Variants in HMGA2 observed in about 807,000 individuals in gnomAD.
HMGA2 encodes high mobility group protein HMGI-C.
In HMGA2, 8 loss-of-function variants were observed where a neutral mutation model predicts 19.1. The ratio of observed to expected loss-of-function variants is 0.42; its 90% CI spans 0.25 to 0.76. The LOEUF is 0.76. Ranked by LOEUF, HMGA2 falls within the 30% of genes least tolerant of loss-of-function variation. HMGA2 has a pLI of 0.28. For synonymous variants in HMGA2, 60 were observed against 48.8 expected (o/e 1.23, Z -0.96); for missense variants, 109 against 136.3 (o/e 0.80, Z 1.00).
rs71096056 is a variant in HMGA2 at position 65,875,589 on chromosome 12, A to ATTTTTTTTTTTT, written c.249+37050_249+37061dup. Among the ~76,000 whole-genome samples the ATTTTTTTTTTTT allele has an allele frequency of 9.8e-3, 257 of 26,104 alleles. 105 individuals carry two copies. The highest frequency in any genetic ancestry group is 0.017 in the Non-Finnish European group (199 of 11,770). 17.1% of individuals were successfully genotyped at this position (26,104 alleles called of 152,430 possible). A position where few individuals can be genotyped will look rare whatever the true frequency, so the allele number is the denominator to read the frequency against. On this transcript the variant is annotated intron_variant, in intron 3 of 4. Transcript: ENST00000403681. ...CGGGCATATGCCACCGTGCCCGGCT[A>ATTTTTTTTTTTT]TTTTTTTTTTTTTTTTTTTTTTTTT... is the stretch of plus-strand genomic sequence containing the variant.
At chr12:65,865,599 T>A (rs917825149) in intron 3 of HMGA2, among the ~76,000 whole-genome samples, 1 of 151,884 alleles carries the variant, frequency 6.6e-6, no homozygotes, top group Non-Finnish European at 1.5e-5. Context: ...TGGGAAGGCA[T>A]ACATTCTAAG....
At chr12:65,893,581 G>A (rs1565724179) in intron 3 of HMGA2, among the ~76,000 whole-genome samples, 1 of 152,158 alleles carries the variant, frequency 6.6e-6, no homozygotes, top group African/African-American at 2.4e-5. Context: ...AACATTGTAG[G>A]GTTTCAGAGG....
At chr12:65,871,676 A>G (rs1436272353) in intron 3 of HMGA2, among the ~76,000 whole-genome samples, 1 of 152,142 alleles carries the variant, frequency 6.6e-6, no homozygotes, top group East Asian at 1.9e-4. Context: ...TAGGTGAGAG[A>G]ACTACATTCC....
intron 3 of HMGA2, among the ~76,000 whole-genome samples, chr12:65,878,408 C>T (rs755595963): frequency 6.6e-6 from 1 of 152,148 alleles, no homozygotes; most frequent in Non-Finnish European, 1.5e-5. Flanking sequence ...AGCTAATAAA[C>T]GTGTAACTGT....
chr12:65,888,778 T>A (rs1202825742), intron 3 of HMGA2, among the ~76,000 whole-genome samples: 1 of 151,290 alleles, frequency 6.6e-6, no homozygotes, highest in African/African-American at 2.4e-5. Flanking sequence ...TTAGCCAGGA[T>A]GGTCTCGACC....
rs909910206 is a variant in HMGA2, at chr12:65,965,851, GA to G, written c.*2568del. 26 of 208,970 alleles carry G rather than the reference GA, an allele frequency of 1.2e-4. No individual in the cohort carries two copies. Among genetic ancestry groups the G allele is most frequent in the Middle Eastern group, 1.5e-3 (1 of 672 alleles). The allele number at this position is 208,970 out of a possible 1,614,324, so 12.9% of individuals were successfully genotyped here. On this transcript the variant is annotated 3_prime_UTR_variant, in exon 5 of 5. Transcript: ENST00000403681. ...CCCAGTATACCTCATTTTTCATACTGAAAAAAAAAGCTTGTGGCCAATGGAA... is the reference window on the plus strand; with the variant it reads ...CCCAGTATACCTCATTTTTCATACTGAAAAAAAAGCTTGTGGCCAATGGAA...
intron 3 of HMGA2, among the ~76,000 whole-genome samples, chr12:65,848,449 G>A (rs1871316500): frequency 6.6e-6 from 1 of 152,182 alleles, no homozygotes; most frequent in Non-Finnish European, 1.5e-5. Context: ...ATACATTAAG[G>A]CAGTAGGGTG....
intron 3 of HMGA2, chr12:65,859,331 C>T (rs866148312): frequency 3.3e-5 from 5 of 152,358 alleles, no homozygotes; most frequent in Non-Finnish European, 5.9e-5. Context: ...CACTTTGTCT[C>T]TCCCCTGCTC....
intron 3 of HMGA2, among the ~76,000 whole-genome samples, chr12:65,935,938 A>T (rs1875877187): frequency 6.6e-6 from 1 of 152,156 alleles, no homozygotes; most frequent in African/African-American, 2.4e-5. Flanking sequence ...GCAGGGTAGC[A>T]GTTAAGTGCT....
chr12:65,853,739 G>T (rs1871590645), intron 3 of HMGA2, among the ~76,000 whole-genome samples: 1 of 152,162 alleles, frequency 6.6e-6, no homozygotes, highest in Non-Finnish European at 1.5e-5. Context: ...TCCTGGTCTA[G>T]GCAGCTCAAT....
At chr12:65,931,204 C>T (rs1285928580) in intron 3 of HMGA2, among the ~76,000 whole-genome samples, 5 of 151,798 alleles carry the variant, frequency 3.3e-5, no homozygotes, top group Non-Finnish European at 7.4e-5. Context: ...TTTTTTTAAC[C>T]CACATATTTC....
intron 3 of HMGA2, among the ~76,000 whole-genome samples, chr12:65,936,707 T>C (rs1032858290): frequency 6.6e-6 from 1 of 152,216 alleles, no homozygotes; most frequent in Non-Finnish European, 1.5e-5. Context: ...TATTAAGTTC[T>C]TTCAGCCAGC....
chr12:65,947,742 A>C (rs1188483640), intron 3 of HMGA2, among the ~76,000 whole-genome samples: 1 of 152,212 alleles, frequency 6.6e-6, no homozygotes, highest in Non-Finnish European at 1.5e-5. Flanking sequence ...TGTTCACTGA[A>C]CAGTCATTAT....
chr12:65,827,853 T>G (rs1592369222), intron 1 of HMGA2, 148 bp from the exon 2 acceptor site: 1 of 697,592 alleles, frequency 1.4e-6, no homozygotes, highest in East Asian at 2.7e-5. Flanking sequence ...CTGTAAACTC[T>G]GTACCATCAT....
chr12:65,963,035 T>C (rs1876796751), intron 4 of HMGA2, among the ~76,000 whole-genome samples: 1 of 152,122 alleles, frequency 6.6e-6, no homozygotes, highest in Non-Finnish European at 1.5e-5. Context: ...AAGTCAACAG[T>C]GGCTAATGAC....
chr12:65,838,648 G>T, intron 3 of HMGA2, 79 bp downstream of exon 3: 1 of 1,019,444 alleles, frequency 9.8e-7, no homozygotes, highest in South Asian at 1.4e-5. Flanking sequence ...GTTTTATTTC[G>T]TCGATTACAT....
chr12:65,944,766 T>C (rs1876204423), intron 3 of HMGA2, among the ~76,000 whole-genome samples: 1 of 152,154 alleles, frequency 6.6e-6, no homozygotes, highest in Admixed American at 6.5e-5. Context: ...CTCAACCTGA[T>C]AGTATGAGTC....
intron 3 of HMGA2, among the ~76,000 whole-genome samples, chr12:65,896,547 C>T (rs1414069516): frequency 6.6e-6 from 1 of 152,112 alleles, no homozygotes; most frequent in Non-Finnish European, 1.5e-5. Flanking sequence ...TCTGCTTTTT[C>T]CTTCTTCCTC....
At chr12:65,855,437 C>T (rs560168390) in intron 3 of HMGA2, among the ~76,000 whole-genome samples, 1 of 117,944 alleles carries the variant, frequency 8.5e-6, no homozygotes, top group Non-Finnish European at 1.6e-5. Flanking sequence ...CTCTCTTTCT[C>T]TTTCTCTCTC....
Sources: gnomAD v4.1 joint callset for allele counts (sites outside exome capture counted in the v4.1 genomes callset) on GRCh38, gnomAD v4.1.1 for gene constraint, MANE v1.5 for transcripts, NCBI Gene and HGNC (gene_info 2026-07-23, HGNC 2026-07-21) for gene names.